The following PAIP2 variants were observed in gnomAD, a reference collection of about 807,000 sequenced individuals.
PAIP2 encodes poly(A) binding protein interacting protein 2, also known as polyadenylate-binding protein-interacting protein 2.
PAIP2 carries 7 observed loss-of-function variants against 14.8 expected under a neutral mutation model. The observed-to-expected ratio is 0.47, with a 90% CI of 0.27 to 0.89. The LOEUF is 0.89. PAIP2 is among the 40% of genes least tolerant of loss of function. The probability of loss-of-function intolerance (pLI) is 0.13; values close to 1 mark genes in which losing one functional copy is unlikely to be tolerated. For synonymous variants in PAIP2, 47 were observed against 45.3 expected, an observed-to-expected ratio of 1.04 and a Z score of -0.15; for missense variants, 122 against 154.7, an observed-to-expected ratio of 0.79 and a Z score of 1.12.
chr5:139,359,947 CA>C (rs571863015), intron 1 of PAIP2, among the ~76,000 whole-genome samples: 3 of 148,742 alleles, frequency 2.0e-5, no homozygotes, highest in Non-Finnish European at 4.5e-5. Context: ...CTCTCCGTCT[CA>C]AAAAAAAATG....
chr5:139,357,170 A>C (rs1199441882), intron 1 of PAIP2, among the ~76,000 whole-genome samples: 3 of 152,156 alleles, frequency 2.0e-5, no homozygotes. Context: ...GTGTTGAGGC[A>C]CACCTTCAAC....
intron 2 of PAIP2, 93 bp downstream of exon 2, chr5:139,364,015 G>A: frequency 2.7e-6 from 3 of 1,094,288 alleles, no homozygotes; most frequent in Non-Finnish European, 4.1e-6. Flanking sequence ...TGTCCTTTAT[G>A]TATAAAGTAT....
chr5:139,347,426 A>AC (rs1324446218), intron 1 of PAIP2, among the ~76,000 whole-genome samples: 1 of 151,678 alleles, frequency 6.6e-6, no homozygotes, highest in Non-Finnish European at 1.5e-5. Context: ...GGCGCCCACC[A>AC]CCATGCCCGG....
intron 1 of PAIP2, among the ~76,000 whole-genome samples, chr5:139,359,433 C>T (rs1414871740): frequency 6.6e-6 from 1 of 151,696 alleles, no homozygotes; most frequent in African/African-American, 2.4e-5. Flanking sequence ...GCCACAGTGC[C>T]CGGTGTGAAA....
intron 3 of PAIP2, 168 bp downstream of exon 3, chr5:139,364,911 G>A (rs1024446458): frequency 1.9e-5 from 9 of 481,546 alleles, no homozygotes; most frequent in South Asian, 9.1e-5. Context: ...TTGGGAGGCC[G>A]AGGCAGGCAG....
At chr5:139,364,508 C>A in intron 2 of PAIP2, 56 bp from the exon 3 acceptor site, 1 of 1,027,216 alleles carries the variant, frequency 9.7e-7, no homozygotes, top group African/African-American at 1.6e-5. Context: ...TATTTTAAGC[C>A]ATTCCTAGTG....
intron 3 of PAIP2, among the ~76,000 whole-genome samples, chr5:139,365,813 T>TAA (rs1178151370): frequency 1.3e-5 from 2 of 152,218 alleles, no homozygotes; most frequent in African/African-American, 4.8e-5. Context: ...CTAGGGTACT[T>TAA]AAATGTCCTA....
chr5:139,366,232 G>C (rs1016378190), intron 3 of PAIP2, among the ~76,000 whole-genome samples: 4 of 150,936 alleles, frequency 2.7e-5, no homozygotes, highest in East Asian at 3.9e-4. Flanking sequence ...AAAGCGGGGT[G>C]GGGGGAATTG....
intron 1 of PAIP2, among the ~76,000 whole-genome samples, chr5:139,345,681 G>A: frequency 6.8e-6 from 1 of 147,922 alleles, no homozygotes. Context: ...AGGCCTGAGT[G>A]CAGTGGCATG....
chr5:139,347,802 G>T (rs550374201), intron 1 of PAIP2, among the ~76,000 whole-genome samples: 41 of 152,202 alleles, frequency 2.7e-4, no homozygotes, highest in African/African-American at 9.6e-4. Context: ...TTGGACACTG[G>T]CTTAGAATGA....
intron 1 of PAIP2, among the ~76,000 whole-genome samples, chr5:139,356,185 C>T (rs777162540): frequency 6.6e-6 from 1 of 151,714 alleles, no homozygotes; most frequent in Admixed American, 6.6e-5. Context: ...CGGTGGCTCA[C>T]GCCTGTAATA....
At chr5:139,358,621 C>T (rs536240439) in intron 1 of PAIP2, among the ~76,000 whole-genome samples, 2 of 152,106 alleles carry the variant, frequency 1.3e-5, no homozygotes, top group Non-Finnish European at 2.9e-5. Context: ...TGCAGATGCT[C>T]ATTAATCAGA....
At chr5:139,357,109 C>G (rs548192525) in intron 1 of PAIP2, among the ~76,000 whole-genome samples, 3 of 152,058 alleles carry the variant, frequency 2.0e-5, no homozygotes, top group East Asian at 1.9e-4. Flanking sequence ...TTTTTAAATG[C>G]CTTTAAGCAA....
intron 1 of PAIP2, among the ~76,000 whole-genome samples, chr5:139,363,468 C>A (rs1757130996): frequency 1.3e-5 from 2 of 152,044 alleles, no homozygotes; most frequent in Non-Finnish European, 2.9e-5. Context: ...TGCATATAAT[C>A]CCAGCACTTT....
intron 3 of PAIP2, among the ~76,000 whole-genome samples, chr5:139,366,202 C>G (rs901350054): frequency 2.8e-4 from 7 of 25,318 alleles, no homozygotes; most frequent in African/African-American, 7.9e-4. Context: ...GACTCCACCT[C>G]AAAAAAAAAA....
chr5:139,348,146 A>C (rs1483156056), intron 1 of PAIP2, among the ~76,000 whole-genome samples: 3 of 104,712 alleles, frequency 2.9e-5, no homozygotes, highest in Non-Finnish European at 4.9e-5. Context: ...ACTCCATGTC[A>C]AAAAAAAAAA....
At chr5:139,362,532 T>C (rs1757100372) in intron 1 of PAIP2, among the ~76,000 whole-genome samples, 1 of 147,040 alleles carries the variant, frequency 6.8e-6, no homozygotes. Context: ...TGCCTCAGCC[T>C]CCGGAGTAGC....
At chr5:139,356,916 T>G (rs1756933612) in intron 1 of PAIP2, among the ~76,000 whole-genome samples, 1 of 151,974 alleles carries the variant, frequency 6.6e-6, no homozygotes, top group Non-Finnish European at 1.5e-5. Flanking sequence ...AAAGACATTT[T>G]GAATGATATA....
intron 1 of PAIP2, among the ~76,000 whole-genome samples, chr5:139,355,830 C>G (rs550454541): frequency 6.6e-6 from 1 of 151,496 alleles, no homozygotes; most frequent in Admixed American, 6.6e-5. Context: ...GCACTCCAGC[C>G]TGGGCAACAC....
Sources: gnomAD v4.1 joint callset for allele counts (sites outside exome capture counted in the v4.1 genomes callset) on GRCh38, gnomAD v4.1.1 for gene constraint, MANE v1.5 for transcripts, NCBI Gene and HGNC (gene_info 2026-07-23, HGNC 2026-07-21) for gene names.